The following EIF2B3 variants were observed in gnomAD, a reference collection of about 807,000 sequenced individuals.
The protein encoded by EIF2B3 is eukaryotic translation initiation factor 2B subunit gamma, also known as translation initiation factor eIF2B subunit gamma.
Under a neutral mutation model 54.1 loss-of-function variants are expected in EIF2B3, and 20 were observed. The observed-to-expected ratio is 0.37, with a 90% confidence interval of 0.26 to 0.54. The LOEUF (loss-of-function observed/expected upper bound fraction) is 0.54, where lower values mean the gene tolerates loss of function less well. Ranked by LOEUF, EIF2B3 falls within the 20% of genes least tolerant of loss-of-function variation. EIF2B3 has a pLI of 0.86. For synonymous variants in EIF2B3, 153 were observed against 188.1 expected, an observed-to-expected ratio of 0.81 and a Z score of 1.52; for missense variants, 448 against 547.8, an observed-to-expected ratio of 0.82 and a Z score of 1.82.
intron 3 of EIF2B3, chr1:44,959,325 C>A: frequency 1.6e-6 from 1 of 608,608 alleles, no homozygotes. Context: ...TTAGTTTTGC[C>A]TCTCCTCTCT....
At chr1:44,966,454 A>AAAG (rs1279055680) in intron 3 of EIF2B3, among the ~76,000 whole-genome samples, 3 of 150,800 alleles carry the variant, frequency 2.0e-5, no homozygotes, top group South Asian at 2.1e-4. Flanking sequence ...AAAAAAAAAA[A>AAAG]AAGAAGAAGA....
intron 1 of EIF2B3, among the ~76,000 whole-genome samples, chr1:44,984,962 G>A (rs111968914): frequency 0.061 from 9,153 of 149,366 alleles, 983 homozygotes; most frequent in African/African-American, 0.21. Flanking sequence ...ACCCGCCACC[G>A]CGCCCGGCTA....
intron 1 of EIF2B3, among the ~76,000 whole-genome samples, chr1:44,981,564 A>G (rs1050113679): frequency 2.6e-5 from 4 of 152,224 alleles, no homozygotes; most frequent in Non-Finnish European, 5.9e-5. Flanking sequence ...AGAAGTTTTT[A>G]TAGAAAGTGA....
chr1:44,955,123 T>C (rs762129667), intron 3 of EIF2B3, among the ~76,000 whole-genome samples: 7 of 152,146 alleles, frequency 4.6e-5, no homozygotes, highest in Non-Finnish European at 7.4e-5. Flanking sequence ...CAAACTATAC[T>C]ACAAGGCTAC....
intron 6 of EIF2B3, among the ~76,000 whole-genome samples, chr1:44,887,709 C>T (rs1181148978): frequency 3.3e-5 from 5 of 152,068 alleles, no homozygotes; most frequent in Non-Finnish European, 7.4e-5. Context: ...GAGGCCAAGG[C>T]GGGTGGTCAA....
At chr1:44,942,408 T>TACACAC (rs1557697021) in intron 3 of EIF2B3, among the ~76,000 whole-genome samples, 11 of 20,538 alleles carry the variant, frequency 5.4e-4, no homozygotes, top group African/African-American at 2.8e-3. Context: ...TATATATATA[T>TACACAC]ATATATATAT....
intron 3 of EIF2B3, 65 bp downstream of exon 3, chr1:44,978,250 A>C (rs1644472998): frequency 6.3e-7 from 1 of 1,588,284 alleles, no homozygotes; most frequent in Non-Finnish European, 8.6e-7. Flanking sequence ...ACTATAATGC[A>C]CTGGGAAAAC....
In EIF2B3 at chr1:44,915,260, G is replaced by A. The variant is rs562719153; in HGVS notation, c.566+11368C>T. Among the ~76,000 whole-genome samples, 16 of 151,448 alleles carry A rather than the reference G, an allele frequency of 1.1e-4. No individual in the cohort carries two copies. The Middle Eastern group carries it at 0.01, about 97-fold the overall frequency. ...GATTGCAGCAAGCAGAGATTGTGCC[G>A]CTGCACTCCAGTCTGGGTGACAGAG... On this transcript the variant is annotated intron_variant, in intron 5 of 11. Coordinates refer to ENST00000360403, the MANE Select transcript of EIF2B3 (RefSeq NM_020365.5).
intron 4 of EIF2B3, among the ~76,000 whole-genome samples, chr1:44,930,360 G>A (rs1337949315): frequency 6.6e-6 from 1 of 152,204 alleles, no homozygotes; most frequent in Non-Finnish European, 1.5e-5. Context: ...ATTAAAAAGG[G>A]TCACAAACTT....
At chr1:44,935,343 GA>G (rs956671210) in intron 4 of EIF2B3, among the ~76,000 whole-genome samples, 8 of 152,180 alleles carry the variant, frequency 5.3e-5, no homozygotes, top group Admixed American at 5.2e-4. Flanking sequence ...TTGAGAAAAG[GA>G]AAGTTTCTAA....
chr1:44,895,872 T>C (rs1181598602), intron 6 of EIF2B3, among the ~76,000 whole-genome samples: 1 of 152,230 alleles, frequency 6.6e-6, no homozygotes, highest in African/African-American at 2.4e-5. Context: ...TCTAACACAG[T>C]TGTGTTCTCT....
At chr1:44,931,985 G>A (rs1643900641) in intron 4 of EIF2B3, among the ~76,000 whole-genome samples, 1 of 152,130 alleles carries the variant, frequency 6.6e-6, no homozygotes, top group South Asian at 2.1e-4. Flanking sequence ...GGTGGCACAT[G>A]CTGGTAATCC....
chr1:44,942,393 ATATATATATATATATATATATATATT>A (rs1644036016), intron 3 of EIF2B3, among the ~76,000 whole-genome samples: 1 of 12,784 alleles, frequency 7.8e-5, no homozygotes, highest in Non-Finnish European at 1.3e-4. Flanking sequence ...ATATATATAT[ATATATATATATATATATATATATATT>A]TTTTTTTTTT....
At chr1:44,971,540 T>C (rs1007138710) in intron 3 of EIF2B3, among the ~76,000 whole-genome samples, 2 of 152,144 alleles carry the variant, frequency 1.3e-5, no homozygotes, top group African/African-American at 4.8e-5. Flanking sequence ...CCTGGGACTT[T>C]CAAGATCTCT....
At chr1:44,927,528 T>C (rs1450271509) in intron 4 of EIF2B3, among the ~76,000 whole-genome samples, 1 of 152,140 alleles carries the variant, frequency 6.6e-6, no homozygotes, top group East Asian at 1.9e-4. Flanking sequence ...GGGATTACAT[T>C]TCAACAAGAG....
At chr1:44,968,475 C>G (rs1644368014) in intron 3 of EIF2B3, among the ~76,000 whole-genome samples, 1 of 151,226 alleles carries the variant, frequency 6.6e-6, no homozygotes, top group African/African-American at 2.4e-5. Flanking sequence ...AGAAAAACCA[C>G]AAGATATTAA....
At chr1:44,882,587 A>G (rs1569608160) in intron 6 of EIF2B3, among the ~76,000 whole-genome samples, 1 of 149,942 alleles carries the variant, frequency 6.7e-6, no homozygotes, top group Non-Finnish European at 1.5e-5. Flanking sequence ...GAAAGCTGGG[A>G]TTACAGGTGT....
intron 3 of EIF2B3, among the ~76,000 whole-genome samples, chr1:44,968,665 G>A (rs537471129): frequency 4.6e-5 from 7 of 152,088 alleles, no homozygotes; most frequent in African/African-American, 1.7e-4. Context: ...TTGGGAGGCC[G>A]AGGCGGGCGG....
chr1:44,903,709 T>G (rs1159002981), intron 5 of EIF2B3, among the ~76,000 whole-genome samples: 2 of 152,206 alleles, frequency 1.3e-5, no homozygotes. Flanking sequence ...TCTAGCCTAG[T>G]GGGAGAACTG....
Sources: allele counts gnomAD v4.1 joint callset (sites outside exome capture counted in the v4.1 genomes callset), GRCh38; gene constraint gnomAD v4.1.1; transcripts MANE v1.5; gene names NCBI Gene and HGNC (gene_info 2026-07-23, HGNC 2026-07-21).